The following TRAF3 variants were observed in gnomAD, a reference collection of about 807,000 sequenced individuals.
TRAF3 encodes TNF receptor associated factor 3.
A neutral mutation model predicts 62.3 loss-of-function variants in TRAF3; 13 were observed. The ratio of observed to expected loss-of-function variants is 0.21; its 90% CI spans 0.14 to 0.33. The LOEUF is 0.33. TRAF3 is among the 10% of genes least tolerant of loss of function. The pLI is 1.00. For synonymous variants in TRAF3, 269 were observed against 283.4 expected, an observed-to-expected ratio of 0.95 and a Z score of 0.51; for missense variants, 440 against 741.8, an observed-to-expected ratio of 0.59 and a Z score of 4.73.
chr14:102,859,723 A>C (rs1468346842), intron 2 of TRAF3, among the ~76,000 whole-genome samples: 1 of 152,242 alleles, frequency 6.6e-6, no homozygotes, highest in Non-Finnish European at 1.5e-5. Flanking sequence ...TAAGCCAATT[A>C]ATCAAAGCCT....
chr14:102,810,321 G>A (rs905309574), intron 1 of TRAF3, among the ~76,000 whole-genome samples: 4 of 152,168 alleles, frequency 2.6e-5, no homozygotes, highest in African/African-American at 9.7e-5. Flanking sequence ...GTCGGCTCTG[G>A]TGGGAACATA....
intron 1 of TRAF3, among the ~76,000 whole-genome samples, chr14:102,816,226 C>T (rs570871409): frequency 1.3e-5 from 2 of 152,180 alleles, no homozygotes; most frequent in African/African-American, 4.8e-5. Context: ...CCTCAGCCCC[C>T]CAAGTAGCTG....
At chr14:102,858,095 A>G (rs1338844188) in intron 2 of TRAF3, among the ~76,000 whole-genome samples, 1 of 151,922 alleles carries the variant, frequency 6.6e-6, no homozygotes, top group East Asian at 1.9e-4. Flanking sequence ...CTCCTGTTCT[A>G]CTTGATATTC....
chr14:102,798,555 G>C (rs8009368), intron 1 of TRAF3, among the ~76,000 whole-genome samples: 2 of 152,168 alleles, frequency 1.3e-5, no homozygotes, highest in African/African-American at 2.4e-5. Flanking sequence ...TAGGAGGACA[G>C]CTTGAATCTG....
chr14:102,802,279 C>T (rs1280854487), intron 1 of TRAF3, among the ~76,000 whole-genome samples: 10 of 144,762 alleles, frequency 6.9e-5, no homozygotes, highest in Non-Finnish European at 3.0e-5. Context: ...CTCAGCCTCC[C>T]GAGTAGTTGG....
intron 2 of TRAF3, among the ~76,000 whole-genome samples, chr14:102,852,025 A>G (rs1317597621): frequency 6.6e-6 from 1 of 152,232 alleles, no homozygotes; most frequent in African/African-American, 2.4e-5. Flanking sequence ...ACTGCACTCC[A>G]GCCTGGGTGA....
At chr14:102,857,454 AGG>A (rs1887437520) in intron 2 of TRAF3, among the ~76,000 whole-genome samples, 1 of 152,224 alleles carries the variant, frequency 6.6e-6, no homozygotes, top group Non-Finnish European at 1.5e-5. Flanking sequence ...TTTTTCACAT[AGG>A]TTTTTAAAAT....
At position 102,811,604 on chromosome 14, in the gene TRAF3, G is replaced by T. The variant is rs11160702; in HGVS notation, c.-156-18730G>T. On this transcript the variant is annotated intron_variant, in intron 1 of 11. Transcript: ENST00000392745. ...TTTGTTTGTTTTTGTGCAGAGGTCA[G>T]ATCTCTTGTCTCATAGTGCAAAGGC... Among the ~76,000 whole-genome samples the T allele has an allele frequency of 7.5e-3, 1,030 of 136,788 alleles. 14 individuals carry two copies. Among genetic ancestry groups the T allele is most frequent in the African/African-American group, 0.026 (969 of 37,094 alleles). 89.7% of individuals were successfully genotyped at this position (136,788 alleles called of 152,430 possible).
intron 6 of TRAF3, among the ~76,000 whole-genome samples, chr14:102,882,650 G>A (rs1169531982): frequency 6.7e-6 from 1 of 149,394 alleles, no homozygotes; most frequent in Non-Finnish European, 1.5e-5. Context: ...GAACAGTCCT[G>A]ATGTAGGGAG....
chr14:102,903,564 C>T lies in TRAF3; in HGVS notation c.1135+135C>T, dbSNP rs545113300. The stretch of plus-strand genomic sequence containing the variant: ...GTTTTTTCTAATTATGGGTAACACG[C>T]AGAGGTGTGATGACTTTCCTACTGA... On this transcript the variant is annotated intron_variant, in intron 11 of 11. Coordinates refer to ENST00000392745, the MANE Select transcript of TRAF3 (RefSeq NM_145725.3). This position sits in a 1 kb window ranked among gnomAD's most constrained non-coding sequence, Gnocchi z 6.4. 1 of 1,272,402 alleles carries T rather than the reference C, an allele frequency of 7.9e-7. No homozygotes were observed. The highest frequency in any genetic ancestry group is 1.1e-6 in the Non-Finnish European group (1 of 902,274). The allele number at this position is 1,272,402 out of a possible 1,614,324, so 78.8% of individuals were successfully genotyped here. A position where few individuals can be genotyped will look rare whatever the true frequency, so the allele number is the denominator to read the frequency against.
rs1890380978 is a variant in TRAF3 at position 102,903,027 on chromosome 14, G to A, written c.961-228G>A. 1 of 620,234 alleles carries A rather than the reference G, an allele frequency of 1.6e-6. No individual in the cohort carries two copies. The highest frequency in any genetic ancestry group is 2.5e-5 in the Admixed American group (1 of 40,742). The allele number at this position is 620,234 out of a possible 1,614,324, so 38.4% of individuals were successfully genotyped here. A position where few individuals can be genotyped will look rare whatever the true frequency, so the allele number is the denominator to read the frequency against. ...GCCTCCTGTTGTTTTCTTCCATGTG[G>A]CTTCATGTCACCTCGAGTGCTCCCT... On this transcript the variant is annotated intron_variant, in intron 10 of 11. Coordinates refer to ENST00000392745, the MANE Select transcript of TRAF3 (RefSeq NM_145725.3). The surrounding 1 kb of genome is among the most constrained non-coding windows in gnomAD (Gnocchi z 6.4).
chr14:102,846,536 C>G (rs1886730622), intron 2 of TRAF3, among the ~76,000 whole-genome samples: 1 of 150,162 alleles, frequency 6.7e-6, no homozygotes, highest in Non-Finnish European at 1.5e-5. Context: ...AGCACAGTAG[C>G]TCATGCCTGT....
At chr14:102,880,612 A>G (rs1490830081) in intron 6 of TRAF3, among the ~76,000 whole-genome samples, 1 of 152,262 alleles carries the variant, frequency 6.6e-6, no homozygotes, top group Non-Finnish European at 1.5e-5. Flanking sequence ...TACTGGGTAT[A>G]TACCCAAAGG....
At chr14:102,802,266 T>C (rs1898483451) in intron 1 of TRAF3, among the ~76,000 whole-genome samples, 1 of 144,884 alleles carries the variant, frequency 6.9e-6, no homozygotes, top group African/African-American at 2.5e-5. Context: ...GCCATTCTCC[T>C]GCCTCAGCCT....
intron 1 of TRAF3, among the ~76,000 whole-genome samples, chr14:102,822,064 A>G (rs1314742178): frequency 6.6e-6 from 1 of 152,176 alleles, no homozygotes; most frequent in Non-Finnish European, 1.5e-5. Flanking sequence ...ATACAATAAA[A>G]TAAAAGACTG....
intron 1 of TRAF3, among the ~76,000 whole-genome samples, chr14:102,811,935 T>TTTTTTTTTTTTTTTA (rs1312890783): frequency 8.1e-6 from 1 of 123,478 alleles, no homozygotes; most frequent in Non-Finnish European, 1.7e-5. Context: ...TTTTTTTTTT[T>TTTTTTTTTTTTTTTA]TTTTTTTTGT....
Position 102,909,328 on chromosome 14 carries a change from C to G in TRAF3, c.*3544C>G, listed in dbSNP as rs904760313. On this transcript the variant is annotated 3_prime_UTR_variant, in exon 12 of 12. Coordinates refer to ENST00000392745, the MANE Select transcript of TRAF3 (RefSeq NM_145725.3). Reference sequence around the variant, plus strand: ...AGGCCTGGACTTGCAGATGTGTGTTCCCTGTGCGGGTGGACAGAGGGGGCC... The same window carrying G: ...AGGCCTGGACTTGCAGATGTGTGTTGCCTGTGCGGGTGGACAGAGGGGGCC... 1.3e-5 allele frequency: 2 copies of G among 152,348 alleles called. No homozygotes were observed. The highest frequency in any genetic ancestry group is 3.8e-4 in the East Asian group (2 of 5,196). 9.4% of individuals were successfully genotyped at this position (152,348 alleles called of 1,614,324 possible).
chr14:102,805,938 C>A (rs963434175), intron 1 of TRAF3, among the ~76,000 whole-genome samples: 2 of 147,876 alleles, frequency 1.4e-5, no homozygotes, highest in African/African-American at 5.0e-5. Context: ...AAATTTGATT[C>A]CTGTTTCCTT....
At chr14:102,793,334 TG>T (rs1897905115) in intron 1 of TRAF3, among the ~76,000 whole-genome samples, 1 of 151,828 alleles carries the variant, frequency 6.6e-6, no homozygotes, top group African/African-American at 2.4e-5. Context: ...TCATTTTTTT[TG>T]TACAGATGAG....
Sources: gnomAD v4.1 joint callset for allele counts (sites outside exome capture counted in the v4.1 genomes callset) on GRCh38, gnomAD v4.1.1 for gene constraint, Gnocchi (gnomAD v3.1) non-coding constraint, MANE v1.5 for transcripts, NCBI Gene and HGNC (gene_info 2026-07-23, HGNC 2026-07-21) for gene names.